Variants in DNMT3A observed in about 807,000 individuals in gnomAD.
The protein encoded by DNMT3A is DNA methyltransferase 3 alpha.
DNMT3A carries 267 observed loss-of-function variants against 117.6 expected under a neutral mutation model. The ratio of observed to expected loss-of-function variants is 2.27; its 90% CI spans 2.05 to 2.51. The LOEUF is 2.51. Among genes scored for constraint, DNMT3A ranks in the 30% most tolerant of loss-of-function variants. The pLI is 0.00. For missense variants in DNMT3A, 1,029 were observed against 1,260.2 expected (o/e 0.82, Z 2.78); for synonymous variants, 432 against 474.8 (o/e 0.91, Z 1.17).
intron 6 of DNMT3A, among the ~76,000 whole-genome samples, chr2:25,271,025 AAAAAAACAAAAACC>A (rs1475146406): frequency 6.6e-6 from 1 of 151,950 alleles, no homozygotes; most frequent in Non-Finnish European, 1.5e-5. Flanking sequence ...ACTCCGTCTC[AAAAAAACAAAAACC>A]AAAAAACAAA....
At position 25,294,996 on chromosome 2, in the gene DNMT3A, A is replaced by C. The variant is rs1020261720; in HGVS notation, c.177+5143T>G. ...GGTGGGTATAAATCGTCAATGAATA[A>C]ATACGCATCGCTAGTAAATAGGGGA... On this transcript the variant is annotated intron_variant, in intron 3 of 22. Transcript: ENST00000321117. The surrounding 1 kb of genome is among the most constrained non-coding windows in gnomAD (Gnocchi z 4.7). Among the ~76,000 whole-genome samples, 1 of 152,192 alleles carries C rather than the reference A, an allele frequency of 6.6e-6. No homozygotes were observed. The highest frequency in any genetic ancestry group is 2.4e-5 in the African/African-American group (1 of 41,446).
intron 6 of DNMT3A, among the ~76,000 whole-genome samples, chr2:25,263,565 C>T (rs1276342957): frequency 1.3e-5 from 2 of 152,166 alleles, no homozygotes; most frequent in South Asian, 2.1e-4. Flanking sequence ...AGTGTACTGG[C>T]CTCTTAATAA....
intron 16 of DNMT3A, chr2:25,241,939 T>C (rs1343234262): frequency 1.8e-6 from 1 of 546,000 alleles, no homozygotes; most frequent in Non-Finnish European, 3.2e-6. Flanking sequence ...CAGTCAAAGC[T>C]GCAGAAAACT....
rs918647638 is a variant in DNMT3A at position 25,281,966 on chromosome 2, G to A, written c.448+475C>T. On this transcript the variant is annotated intron_variant, in intron 4 of 22. Coordinates refer to ENST00000321117, the MANE Select transcript of DNMT3A (RefSeq NM_022552.5). The surrounding 1 kb of genome is among the most constrained non-coding windows in gnomAD (Gnocchi z 4.8). ...CAAACAGGGTATCTGCTGCCCTTGAGTGCCCAGGCCAGGGGCTACAAATAC... is the reference window on the plus strand; with the variant it reads ...CAAACAGGGTATCTGCTGCCCTTGAATGCCCAGGCCAGGGGCTACAAATAC... The A allele has an allele frequency of 8.3e-6, 9 of 1,088,482 alleles. No homozygotes were observed. Among genetic ancestry groups the A allele is most frequent in the Non-Finnish European group, 1.0e-5 (9 of 892,720 alleles). The allele number at this position is 1,088,482 out of a possible 1,614,324, so 67.4% of individuals were successfully genotyped here.
intron 4 of DNMT3A, among the ~76,000 whole-genome samples, chr2:25,279,336 C>T (rs1025480749): frequency 1.3e-5 from 2 of 152,174 alleles, no homozygotes; most frequent in African/African-American, 4.8e-5. Context: ...GAGAGCATCC[C>T]CTGAAAAGAG....
rs1160212722 is a variant in DNMT3A at position 25,257,799 on chromosome 2, T to C, written c.640-9547A>G. Among the ~76,000 whole-genome samples, 1 of 152,178 alleles carries C rather than the reference T, an allele frequency of 6.6e-6. No homozygotes were observed. Among genetic ancestry groups the C allele is most frequent in the African/African-American group, 2.4e-5 (1 of 41,434 alleles). On this transcript the variant is annotated intron_variant, in intron 6 of 22. Coordinates refer to ENST00000321117, the MANE Select transcript of DNMT3A (RefSeq NM_022552.5). This position sits in a 1 kb window ranked among gnomAD's most constrained non-coding sequence, Gnocchi z 4.8. ...CTTAAGGTGGGGCCCAGGAATCTAT[T>C]AAAACCTCCCTGGGTAATTCTAATA...
Position 25,232,911 on chromosome 2 carries a change from A to AG in DNMT3A, c.*1367dup. 4.3e-6 allele frequency: 1 copy of AG among 230,510 alleles called. No homozygotes were observed. The highest frequency in any genetic ancestry group is 8.6e-6 in the Non-Finnish European group (1 of 116,300). The allele number at this position is 230,510 out of a possible 1,614,324, so 14.3% of individuals were successfully genotyped here. A position where few individuals can be genotyped will look rare whatever the true frequency, so the allele number is the denominator to read the frequency against. ...GGGCCGGGAGCCGCCTTGTGCACAG[A>AG]GGGGTGGATGGTGGGGGCCTCATAA... is the stretch of plus-strand genomic sequence containing the variant. On this transcript the variant is annotated 3_prime_UTR_variant, in exon 23 of 23. Transcript: ENST00000321117. This position sits in a 1 kb window ranked among gnomAD's most constrained non-coding sequence, Gnocchi z 4.1.
At chr2:25,310,495 C>A (rs1480584110) in intron 2 of DNMT3A, among the ~76,000 whole-genome samples, 1 of 152,108 alleles carries the variant, frequency 6.6e-6, no homozygotes, top group Non-Finnish European at 1.5e-5. Flanking sequence ...CGGCAGGTGC[C>A]AGGGGGACAC....
In DNMT3A at chr2:25,293,775, C is replaced by T. The variant is rs1248701738; in HGVS notation, c.177+6364G>A. 1.3e-5 allele frequency among the ~76,000 whole-genome samples: 2 copies of T among 152,180 alleles called. No individual in the cohort carries two copies. Among genetic ancestry groups the T allele is most frequent in the Non-Finnish European group, 2.9e-5 (2 of 68,028 alleles). On this transcript the variant is annotated intron_variant, in intron 3 of 22. Coordinates refer to ENST00000321117, the MANE Select transcript of DNMT3A (RefSeq NM_022552.5). The surrounding 1 kb of genome is among the most constrained non-coding windows in gnomAD (Gnocchi z 4.7). ...CAACCTCTGCCTGCCCAGGTTCAAGCGATTCTCGTGCCTCAGCCTCCTGGG... is the reference window on the plus strand; with the variant it reads ...CAACCTCTGCCTGCCCAGGTTCAAGTGATTCTCGTGCCTCAGCCTCCTGGG...
At chr2:25,245,766 T>C (rs760027197) in intron 12 of DNMT3A, among the ~76,000 whole-genome samples, 19 of 152,044 alleles carry the variant, frequency 1.2e-4, no homozygotes, top group Non-Finnish European at 2.4e-4. Flanking sequence ...TGTAGGTGAG[T>C]TCAGTCACAC....
At chr2:25,299,105 C>T (rs1468889192) in intron 3 of DNMT3A, among the ~76,000 whole-genome samples, 2 of 152,194 alleles carry the variant, frequency 1.3e-5, no homozygotes, top group Non-Finnish European at 2.9e-5. Flanking sequence ...CCAAGTTTAC[C>T]ATTCTCAGCT....
intron 1 of DNMT3A, among the ~76,000 whole-genome samples, chr2:25,335,027 G>A (rs2035155360): frequency 6.6e-6 from 1 of 152,204 alleles, no homozygotes; most frequent in Admixed American, 6.5e-5. Context: ...CTTGTTGACA[G>A]GTTTGTGTGT....
At chr2:25,331,634 A>G (rs1284078445) in intron 1 of DNMT3A, among the ~76,000 whole-genome samples, 2 of 152,212 alleles carry the variant, frequency 1.3e-5, no homozygotes, top group Admixed American at 6.5e-5. Context: ...CTAACTCATC[A>G]GCATTCCCAA....
chr2:25,284,342 A>G (rs2032120321), intron 3 of DNMT3A, among the ~76,000 whole-genome samples: 2 of 151,986 alleles, frequency 1.3e-5, no homozygotes, highest in Admixed American at 6.6e-5. Flanking sequence ...TCAGTCACAT[A>G]TATCATAAAA....
chr2:25,251,157 G>GGT (rs1553415676), intron 6 of DNMT3A, among the ~76,000 whole-genome samples: 1 of 144,772 alleles, frequency 6.9e-6, no homozygotes, highest in Non-Finnish European at 1.5e-5. Context: ...AAGAAGCGGG[G>GGT]GGGGGGGTGG....
chr2:25,324,111 G>A (rs994704024), intron 1 of DNMT3A, among the ~76,000 whole-genome samples: 5 of 152,180 alleles, frequency 3.3e-5, no homozygotes, highest in Admixed American at 3.3e-4. Context: ...CAGTGGGAGC[G>A]GGGAAGGAGG....
At chr2:25,325,790 CTG>C (rs1197501920) in intron 1 of DNMT3A, among the ~76,000 whole-genome samples, 3 of 152,232 alleles carry the variant, frequency 2.0e-5, no homozygotes, top group African/African-American at 7.2e-5. Context: ...CCAAGCAAGA[CTG>C]TGTCTGGAAC....
In DNMT3A at chr2:25,247,207, A is replaced by T. The variant is rs1271801264; in HGVS notation, c.1015-49T>A. The T allele has an allele frequency of 6.3e-7, 1 of 1,579,102 alleles. No individual in the cohort carries two copies. Among genetic ancestry groups the T allele is most frequent in the Admixed American group, 1.7e-5 (1 of 57,996 alleles). On this transcript the variant is annotated intron_variant, in intron 8 of 22. Transcript: ENST00000321117. This position sits in a 1 kb window ranked among gnomAD's most constrained non-coding sequence, Gnocchi z 5.6. The stretch of plus-strand genomic sequence containing the variant: ...TTTGCCGAGGCTTACACTTGCAAGC[A>T]CCCACCCCATGCCTTGCAACTGGCA...
At chr2:25,330,619 G>C (rs2034981979) in intron 1 of DNMT3A, among the ~76,000 whole-genome samples, 2 of 152,216 alleles carry the variant, frequency 1.3e-5, no homozygotes, top group South Asian at 4.1e-4. Context: ...CCCATGTCCA[G>C]GCCAAGTCCT....
Sources: allele counts gnomAD v4.1 joint callset (sites outside exome capture counted in the v4.1 genomes callset), GRCh38; gene constraint gnomAD v4.1.1; non-coding constraint Gnocchi (gnomAD v3.1); transcripts MANE v1.5; gene names NCBI Gene and HGNC (gene_info 2026-07-23, HGNC 2026-07-21).